The following SYNPO variants were observed in gnomAD, a reference collection of about 807,000 sequenced individuals.
The protein encoded by SYNPO is synaptopodin.
In SYNPO, 19 loss-of-function variants were observed where a neutral mutation model predicts 49.5. The observed-to-expected ratio is 0.38, with a 90% CI of 0.27 to 0.56. The LOEUF is 0.56. Among genes scored for constraint, SYNPO ranks in the 20% least tolerant of loss-of-function variants. The probability of loss-of-function intolerance (pLI) is 0.68; values close to 1 mark genes in which losing one functional copy is unlikely to be tolerated. For missense variants in SYNPO, 1,131 were observed against 1,248.3 expected, an observed-to-expected ratio of 0.91 and a Z score of 1.42; for synonymous variants, 536 against 548.0, an observed-to-expected ratio of 0.98 and a Z score of 0.31.
At chr5:150,624,634 G>T (rs1347228109) in intron 2 of SYNPO, 2 of 159,372 alleles carry the variant, frequency 1.3e-5, no homozygotes, top group South Asian at 4.0e-4. Flanking sequence ...GGGGCGGGAG[G>T]GGCGGCGCTA....
the SYNPO span, among the ~76,000 whole-genome samples, chr5:150,586,409 C>T: frequency 2.0e-5 from 3 of 152,382 alleles, no homozygotes; most frequent in African/African-American, 7.2e-5. Flanking sequence ...GCTCTAGCTA[C>T]TCTTCCTCAG....
intron 1 of SYNPO, among the ~76,000 whole-genome samples, chr5:150,607,970 A>G (rs1237022441): frequency 1.3e-5 from 2 of 152,248 alleles, no homozygotes; most frequent in African/African-American, 2.4e-5. Flanking sequence ...GCACATCTCA[A>G]TGTGGGCTAG....
intron 2 of SYNPO, among the ~76,000 whole-genome samples, chr5:150,630,996 C>A (rs1357839174): frequency 6.6e-6 from 1 of 152,210 alleles, no homozygotes; most frequent in Non-Finnish European, 1.5e-5. Context: ...GGCCACTCAG[C>A]TAGGGTGCAG....
intron 1 of SYNPO, among the ~76,000 whole-genome samples, chr5:150,642,906 C>T (rs941865028): frequency 5.9e-5 from 9 of 152,206 alleles, no homozygotes; most frequent in Admixed American, 2.0e-4. Flanking sequence ...GGGATCTTAG[C>T]GGCAGCCCAG....
intron 1 of SYNPO, among the ~76,000 whole-genome samples, chr5:150,646,990 C>T (rs972231435): frequency 6.6e-6 from 1 of 152,092 alleles, no homozygotes; most frequent in Non-Finnish European, 1.5e-5. Context: ...CGCCTGTAAT[C>T]CCAGCACTTT....
Position 150,623,781 on chromosome 5 carries a change from A to G in SYNPO, c.400+5014A>G, listed in dbSNP as rs114208140. 4.8e-3 allele frequency among the ~76,000 whole-genome samples: 732 copies of G among 152,314 alleles called. 11 individuals are homozygous for G. The highest frequency in any genetic ancestry group is 0.017 in the African/African-American group (695 of 41,552). On this transcript the variant is annotated intron_variant, in intron 2 of 2. Coordinates refer to the SYNPO transcript ENST00000394243. ...AACTTCCTTTAGCAGAAATCTAAAC[A>G]CACAACTCTTGATGCAAAAGACAGA...
chr5:150,649,856 G>T lies in SYNPO; in HGVS notation c.1581G>T (p.Gly527=). The stretch of plus-strand genomic sequence containing the variant: ...GGAAATACCCCACTAACGCCCCCGG[G>T]GCCTTCCGAGTGGCATCCCGAAGCC... ...SSWKYPTNAP[G]AFRVASRSPA... The change falls in exon 2 of 3, where the codon GGG becomes GGT. Residue 527 remains glycine (G), a synonymous_variant. Coordinates refer to ENST00000307662, the MANE Select transcript of SYNPO (RefSeq NM_007286.6). 1 of 1,608,756 alleles carries T rather than the reference G, an allele frequency of 6.2e-7. No homozygotes were observed. The highest frequency in any genetic ancestry group is 1.1e-5 in the South Asian group (1 of 91,088).
upstream of SYNPO, among the ~76,000 whole-genome samples, chr5:150,596,488 G>A (rs562836403): frequency 8.0e-4 from 122 of 152,176 alleles, 1 homozygote; most frequent in African/African-American, 2.6e-3. Flanking sequence ...GTTGACGGAC[G>A]GCCCCCATGT....
chr5:150,615,264 G>T (rs959533141), intron 1 of SYNPO: 1 of 152,240 alleles, frequency 6.6e-6, no homozygotes, highest in Admixed American at 6.5e-5. Flanking sequence ...GCTTGGCAGC[G>T]TGAAGACAAC....
chr5:150,649,824 T>C lies in SYNPO; in HGVS notation c.1549T>C (p.Ser517Pro), dbSNP rs1276980231. 6.2e-7 allele frequency: 1 copy of C among 1,609,976 alleles called. No homozygotes were observed. ...CCCATCACCTACCATGTCCCTGCCT[T>C]CCTCCTGGAAATACCCCACTAACGC... is the stretch of plus-strand genomic sequence containing the variant. ...RCPSPTMSLPSSWKYPTNAPG... is the reference protein window; with the variant it reads ...RCPSPTMSLPPSWKYPTNAPG... The change falls in exon 2 of 3, where the codon TCC (serine) becomes CCC (proline). Residue 517 changes from serine to proline, a missense_variant. Transcript: ENST00000307662.
In SYNPO at chr5:150,658,176, T is replaced by A. The variant is rs1396212157; in HGVS notation, c.*1089T>A. 6.6e-6 allele frequency: 1 copy of A among 152,242 alleles called. No individual in the cohort carries two copies. The highest frequency in any genetic ancestry group is 1.5e-5 in the Non-Finnish European group (1 of 68,052). 9.4% of individuals were successfully genotyped at this position (152,242 alleles called of 1,614,324 possible). The stretch of plus-strand genomic sequence containing the variant: ...TGACCCCTGAGGGCTCTTCCAGTCT[T>A]GAAATGCATTCCATGATATTAGGAA... On this transcript the variant is annotated 3_prime_UTR_variant, in exon 3 of 3. Coordinates refer to ENST00000307662, the MANE Select transcript of SYNPO (RefSeq NM_007286.6).
At position 150,605,189 on chromosome 5, in the gene SYNPO, G is replaced by A. The variant is rs567440943; in HGVS notation, c.-266+4001G>A. Among the ~76,000 whole-genome samples the A allele has an allele frequency of 5.3e-5, 8 of 152,286 alleles. No individual in the cohort carries two copies. The East Asian group carries it at 7.7e-4, about 15-fold the overall frequency. ...CCCTGCAGTTCCAAGTTGGGACCAC[G>A]GCCTTTGTGAGTAGTGAGGTTGGAC... is the stretch of plus-strand genomic sequence containing the variant. On this transcript the variant is annotated intron_variant, in intron 1 of 2. Transcript: ENST00000394243.
Position 150,656,903 on chromosome 5 carries a change from C to T in SYNPO, c.2528C>T (p.Pro843Leu). 1.3e-6 allele frequency: 2 copies of T among 1,576,836 alleles called. No homozygotes were observed. Among genetic ancestry groups the T allele is most frequent in the Non-Finnish European group, 1.7e-6 (2 of 1,162,358 alleles). ...SSCTSPRSPL[P>L]APPRPFLYRR... ...TGCACCAGTCCCCGGAGCCCGCTGC[C>T]CGCGCCTCCCAGGCCCTTCCTCTAC... The change falls in exon 3 of 3, where the codon CCC (proline) becomes CTC (leucine). Residue 843 changes from proline (P) to leucine (L), a missense_variant. This residue lies in a region of SYNPO where 509 missense variants were observed against 484.5 expected (regional missense o/e 1.05). Coordinates refer to ENST00000307662, the MANE Select transcript of SYNPO (RefSeq NM_007286.6).
At chr5:150,642,170 GC>G (rs1388533955) in intron 1 of SYNPO, among the ~76,000 whole-genome samples, 1 of 152,222 alleles carries the variant, frequency 6.6e-6, no homozygotes, top group Non-Finnish European at 1.5e-5. Context: ...TGCAGCAGGG[GC>G]TCAGTAGTGA....
chr5:150,627,011 G>A (rs59391689), intron 2 of SYNPO, among the ~76,000 whole-genome samples: 2,448 of 152,296 alleles, frequency 0.016, 77 homozygotes, highest in African/African-American at 0.056. Context: ...GAGGTGGGCA[G>A]GGCAGGAGTC....
intron 2 of SYNPO, among the ~76,000 whole-genome samples, chr5:150,655,542 G>A (rs1758521335): frequency 6.6e-6 from 1 of 152,264 alleles, no homozygotes; most frequent in South Asian, 2.1e-4. Context: ...AGCTTCCCGG[G>A]ATGTGCCACA....
At chr5:150,595,871 C>T in the SYNPO span, among the ~76,000 whole-genome samples, 1 of 150,782 alleles carries the variant, frequency 6.6e-6, no homozygotes, top group Non-Finnish European at 1.5e-5. Flanking sequence ...GCTGGCTGGC[C>T]CCTTCCTGCC....
Position 150,643,943 on chromosome 5 carries a change from G to A in SYNPO, c.-333+3089G>A, listed in dbSNP as rs141139437. Among the ~76,000 whole-genome samples the A allele has an allele frequency of 9.3e-3, 1,410 of 152,220 alleles. 27 individuals are homozygous for A. Among genetic ancestry groups the A allele is most frequent in the African/African-American group, 0.032 (1,330 of 41,556 alleles). On this transcript the variant is annotated intron_variant, in intron 1 of 2. Transcript: ENST00000307662. ...TAATCCCAGCACTTTGGGAGGCTGA[G>A]GTGGGTGGATCACTTGAGCTCAGGA...
chr5:150,609,791 G>GGC (rs1756797341), intron 1 of SYNPO, among the ~76,000 whole-genome samples: 2 of 151,752 alleles, frequency 1.3e-5, no homozygotes, highest in Admixed American at 1.3e-4. Flanking sequence ...TGTGGCGGGG[G>GGC]GGGGCAGTGT....
Sources: allele counts gnomAD v4.1 joint callset (sites outside exome capture counted in the v4.1 genomes callset), GRCh38; gene constraint gnomAD v4.1.1; regional missense constraint gnomAD v4.1.1; transcripts MANE v1.5; gene names NCBI Gene and HGNC (gene_info 2026-07-23, HGNC 2026-07-21).